Variants in KLF12 observed in about 807,000 individuals in gnomAD.
KLF12 encodes Krueppel-like factor 12.
A neutral mutation model predicts 37.8 loss-of-function variants in KLF12; 9 were observed. The ratio of observed to expected loss-of-function variants is 0.24; its 90% CI spans 0.14 to 0.42. The LOEUF (loss-of-function observed/expected upper bound fraction) is 0.42, where lower values mean the gene tolerates loss of function less well. Among genes scored for constraint, KLF12 ranks in the 10% least tolerant of loss-of-function variants. KLF12 has a pLI of 1.00. For missense variants in KLF12, 411 were observed against 516.0 expected (o/e 0.80, Z 1.97); for synonymous variants, 208 against 202.1 (o/e 1.03, Z -0.25).
intron 6 of KLF12, among the ~76,000 whole-genome samples, chr13:73,725,070 CAA>C (rs1876560648): frequency 6.6e-6 from 1 of 152,098 alleles, no homozygotes; most frequent in Non-Finnish European, 1.5e-5. Flanking sequence ...ATTTGAAACA[CAA>C]AACTACAAGG....
the KLF12 span, among the ~76,000 whole-genome samples, chr13:74,287,063 T>C: frequency 3.9e-5 from 6 of 152,224 alleles, no homozygotes; most frequent in Non-Finnish European, 8.8e-5. Context: ...CTAGCCCTGG[T>C]CCCAAAGGTC....
chr13:74,072,364 A>AATATATAT (rs773653636), intron 1 of KLF12, among the ~76,000 whole-genome samples: 5,013 of 62,088 alleles, frequency 0.081, 298 homozygotes, highest in East Asian at 0.12. Context: ...AAGAAATACA[A>AATATATAT]ATATATATAT....
intron 1 of KLF12, among the ~76,000 whole-genome samples, chr13:74,049,559 A>C (rs1263359514): frequency 6.6e-6 from 1 of 152,232 alleles, no homozygotes; most frequent in East Asian, 1.9e-4. Flanking sequence ...AACAACAAGA[A>C]AATGTTCTTA....
intron 1 of KLF12, among the ~76,000 whole-genome samples, chr13:74,046,982 A>G (rs1893564121): frequency 1.3e-5 from 2 of 152,194 alleles, no homozygotes; most frequent in African/African-American, 4.8e-5. Flanking sequence ...GGAAAGAACT[A>G]CTGAAAAACA....
At chr13:74,188,048 A>G in the KLF12 span, among the ~76,000 whole-genome samples, 1 of 152,250 alleles carries the variant, frequency 6.6e-6, no homozygotes, top group African/African-American at 2.4e-5. Context: ...TATGTAGAAC[A>G]TGCTTATTAT....
chr13:74,087,828 C>T (rs564040011), intron 1 of KLF12, among the ~76,000 whole-genome samples: 4 of 151,698 alleles, frequency 2.6e-5, no homozygotes, highest in African/African-American at 4.8e-5. Flanking sequence ...TGGTGTTTCT[C>T]GGTGTATTGT....
At chr13:73,880,582 G>T (rs1401701140) in intron 3 of KLF12, among the ~76,000 whole-genome samples, 1 of 152,100 alleles carries the variant, frequency 6.6e-6, no homozygotes, top group Non-Finnish European at 1.5e-5. Flanking sequence ...TCAACCATTC[G>T]CTTCCTAATT....
intron 5 of KLF12, among the ~76,000 whole-genome samples, chr13:73,786,165 G>C (rs1393220762): frequency 6.6e-6 from 1 of 152,150 alleles, no homozygotes; most frequent in African/African-American, 2.4e-5. Flanking sequence ...TCCAATTAGA[G>C]GTGCAACTGG....
chr13:73,691,055 T>C lies in KLF12; in HGVS notation c.*4435A>G, dbSNP rs921108974. On this transcript the variant is annotated 3_prime_UTR_variant, in exon 8 of 8. Transcript: ENST00000377669. The stretch of plus-strand genomic sequence containing the variant: ...TATAAAATGCAGGCAGAGTCATATA[T>C]AGTATTATAAGCCGGTTTCCTAATA... 2.0e-5 allele frequency: 3 copies of C among 152,648 alleles called. No individual in the cohort carries two copies. The highest frequency in any genetic ancestry group is 4.4e-5 in the Non-Finnish European group (3 of 68,030). The allele number at this position is 152,648 out of a possible 1,614,324, so 9.5% of individuals were successfully genotyped here. A position where few individuals can be genotyped will look rare whatever the true frequency, so the allele number is the denominator to read the frequency against.
chr13:74,296,906 A>T, the KLF12 span, among the ~76,000 whole-genome samples: 1 of 152,168 alleles, frequency 6.6e-6, no homozygotes, highest in South Asian at 2.1e-4. Flanking sequence ...ACAGATCTGG[A>T]GAGTAATTGT....
At chr13:74,285,076 T>G in the KLF12 span, among the ~76,000 whole-genome samples, 1 of 152,194 alleles carries the variant, frequency 6.6e-6, no homozygotes, top group East Asian at 1.9e-4. Context: ...CTGCATGAAT[T>G]GATCTTCATA....
At chr13:74,108,004 C>T (rs1391507575) in intron 1 of KLF12, among the ~76,000 whole-genome samples, 1 of 152,156 alleles carries the variant, frequency 6.6e-6, no homozygotes, top group Non-Finnish European at 1.5e-5. Context: ...CCATTCCATG[C>T]AAATGCTGGC....
intron 6 of KLF12, among the ~76,000 whole-genome samples, chr13:73,725,405 T>G (rs1214870403): frequency 2.0e-5 from 3 of 152,158 alleles, no homozygotes; most frequent in Non-Finnish European, 2.9e-5. Context: ...GGGCCAGTAA[T>G]TTTTTAAATG....
chr13:73,976,409 A>T (rs188044615), intron 2 of KLF12, among the ~76,000 whole-genome samples: 1 of 152,232 alleles, frequency 6.6e-6, no homozygotes, highest in East Asian at 1.9e-4. Context: ...TCTCTTTCAG[A>T]TCACCCTCAA....
the KLF12 span, among the ~76,000 whole-genome samples, chr13:74,190,094 G>A: frequency 6.6e-6 from 1 of 151,964 alleles, no homozygotes; most frequent in Admixed American, 6.6e-5. Flanking sequence ...TATATTTTTA[G>A]TGTGCAATAC....
chr13:73,705,969 T>C (rs1170743200), intron 7 of KLF12, among the ~76,000 whole-genome samples: 4 of 152,110 alleles, frequency 2.6e-5, no homozygotes, highest in African/African-American at 9.7e-5. Context: ...CTGTCCAACA[T>C]GGTGAAACCC....
At chr13:73,771,058 C>T (rs1308953318) in intron 5 of KLF12, among the ~76,000 whole-genome samples, 1 of 152,166 alleles carries the variant, frequency 6.6e-6, no homozygotes, top group African/African-American at 2.4e-5. Context: ...GGGGCAGTGA[C>T]ACTAGATGTT....
chr13:73,953,165 T>C (rs1220985428), intron 2 of KLF12, among the ~76,000 whole-genome samples: 1 of 152,174 alleles, frequency 6.6e-6, no homozygotes, highest in African/African-American at 2.4e-5. Context: ...CATGAATATC[T>C]GGGTATAGTA....
intron 3 of KLF12, among the ~76,000 whole-genome samples, chr13:73,878,777 C>G (rs1886835298): frequency 6.6e-6 from 1 of 152,024 alleles, no homozygotes; most frequent in Non-Finnish European, 1.5e-5. Context: ...AGGATGGTGT[C>G]CTTGTGGACA....
Sources: gnomAD v4.1 joint callset for allele counts (sites outside exome capture counted in the v4.1 genomes callset) on GRCh38, gnomAD v4.1.1 for gene constraint, MANE v1.5 for transcripts, NCBI Gene and HGNC (gene_info 2026-07-23, HGNC 2026-07-21) for gene names.